The following EFNA5 variants were observed in gnomAD, a reference collection of about 807,000 sequenced individuals.
EFNA5 encodes ephrin-A5.
In EFNA5, 5 loss-of-function variants were observed where a neutral mutation model predicts 22.9. The observed-to-expected ratio is 0.22, with a 90% CI of 0.11 to 0.46. The LOEUF is 0.46. Ranked by LOEUF, EFNA5 falls within the 20% of genes least tolerant of loss-of-function variation. EFNA5 has a pLI of 0.99. For missense variants in EFNA5, 237 were observed against 293.3 expected, an observed-to-expected ratio of 0.81 and a Z score of 1.40; for synonymous variants, 113 against 112.2, an observed-to-expected ratio of 1.01 and a Z score of -0.04.
At chr5:107,556,249 T>A (rs1580528530) in intron 1 of EFNA5, among the ~76,000 whole-genome samples, 1 of 152,194 alleles carries the variant, frequency 6.6e-6, no homozygotes, top group East Asian at 1.9e-4. Flanking sequence ...CTACATTTAA[T>A]CCACACTTCC....
rs1580460601 is a variant in EFNA5, at chr5:107,452,417, A to G, written c.126-24908T>C. Among the ~76,000 whole-genome samples, 4 of 152,258 alleles carry G rather than the reference A, an allele frequency of 2.6e-5. No homozygotes were observed. The South Asian group carries it at 8.3e-4, about 32-fold the overall frequency. ...CTATTTTCACTTAATAGTCAGCACT[A>G]TGATGAAAGAAAAATCTCTTTATAG... On this transcript the variant is annotated intron_variant, in intron 1 of 4. Transcript: ENST00000333274.
intron 1 of EFNA5, among the ~76,000 whole-genome samples, chr5:107,569,410 T>C (rs1436175169): frequency 6.9e-6 from 1 of 145,690 alleles, no homozygotes; most frequent in Non-Finnish European, 1.5e-5. Flanking sequence ...TATATATATA[T>C]ATATTTATGT....
intron 1 of EFNA5, among the ~76,000 whole-genome samples, chr5:107,508,583 T>C (rs1747298639): frequency 6.6e-6 from 1 of 152,244 alleles, no homozygotes; most frequent in Non-Finnish European, 1.5e-5. Flanking sequence ...TCAAACTGGC[T>C]AGAATTGAAA....
At chr5:107,387,593 CA>C in intron 3 of EFNA5, 112 bp downstream of exon 3, 4 of 746,484 alleles carry the variant, frequency 5.4e-6, no homozygotes, top group African/African-American at 3.5e-5. Flanking sequence ...ATATACAAAA[CA>C]GATACCACAC....
At chr5:107,597,100 T>C in intron 1 of EFNA5, among the ~76,000 whole-genome samples, 1 of 152,130 alleles carries the variant, frequency 6.6e-6, no homozygotes, top group African/African-American at 2.4e-5. Flanking sequence ...ACCACGCACA[T>C]AAAAACTGTT....
At chr5:107,494,103 C>G (rs949680404) in intron 1 of EFNA5, among the ~76,000 whole-genome samples, 2 of 152,346 alleles carry the variant, frequency 1.3e-5, no homozygotes, top group Admixed American at 1.3e-4. Flanking sequence ...TCACAGCCTT[C>G]GCTCGCTCTG....
At chr5:107,516,507 T>C (rs999874389) in intron 1 of EFNA5, among the ~76,000 whole-genome samples, 1 of 152,240 alleles carries the variant, frequency 6.6e-6, no homozygotes, top group African/African-American at 2.4e-5. Flanking sequence ...CTGTTTTAAC[T>C]ATATTATGAG....
intron 1 of EFNA5, among the ~76,000 whole-genome samples, chr5:107,517,795 A>G (rs574889660): frequency 9.9e-4 from 151 of 152,362 alleles, no homozygotes; most frequent in African/African-American, 3.4e-3. Context: ...CATCACTTAG[A>G]AACACATTCT....
At chr5:107,413,777 G>A (rs1453295258) in intron 2 of EFNA5, among the ~76,000 whole-genome samples, 1 of 152,134 alleles carries the variant, frequency 6.6e-6, no homozygotes. Context: ...GTCAAATTAT[G>A]TCTAATTTAC....
At chr5:107,580,865 TTTG>T (rs1201277886) in intron 1 of EFNA5, among the ~76,000 whole-genome samples, 11 of 152,192 alleles carry the variant, frequency 7.2e-5, no homozygotes, top group Admixed American at 7.2e-4. Context: ...TTTTGGTCAA[TTTG>T]TTGTTCTCCA....
chr5:107,535,301 CAAAT>C (rs1311682630), intron 1 of EFNA5, among the ~76,000 whole-genome samples: 6 of 152,138 alleles, frequency 3.9e-5, no homozygotes, highest in African/African-American at 1.4e-4. Context: ...CCCCACCTAA[CAAAT>C]AATACAGTAT....
chr5:107,501,645 ATATCAT>A (rs1394443924), intron 1 of EFNA5, among the ~76,000 whole-genome samples: 2 of 152,238 alleles, frequency 1.3e-5, no homozygotes, highest in African/African-American at 4.8e-5. Flanking sequence ...TAAAACTGTA[ATATCAT>A]TTTAATACAG....
At chr5:107,656,628 T>TC (rs937209286) in intron 1 of EFNA5, among the ~76,000 whole-genome samples, 15 of 151,988 alleles carry the variant, frequency 9.9e-5, no homozygotes, top group Admixed American at 1.3e-4. Flanking sequence ...AATCTCTATT[T>TC]CCCCCCCAAT....
At chr5:107,632,171 T>C (rs1343735937) in intron 1 of EFNA5, among the ~76,000 whole-genome samples, 6 of 152,198 alleles carry the variant, frequency 3.9e-5, no homozygotes, top group South Asian at 2.1e-4. Context: ...CTTTCTCTCT[T>C]CTCAACAGCC....
At chr5:107,568,577 A>G (rs537532515) in intron 1 of EFNA5, among the ~76,000 whole-genome samples, 8 of 152,318 alleles carry the variant, frequency 5.3e-5, no homozygotes, top group African/African-American at 1.9e-4. Context: ...TTAGAGACAC[A>G]ATGACTCCTT....
At chr5:107,662,994 C>T (rs1444807950) in intron 1 of EFNA5, among the ~76,000 whole-genome samples, 1 of 151,738 alleles carries the variant, frequency 6.6e-6, no homozygotes, top group African/African-American at 2.4e-5. Context: ...TATAATATGC[C>T]TGGGTTTAAG....
At chr5:107,660,454 C>A (rs898391349) in intron 1 of EFNA5, among the ~76,000 whole-genome samples, 1 of 150,754 alleles carries the variant, frequency 6.6e-6, no homozygotes, top group African/African-American at 2.4e-5. Context: ...TACACCCATA[C>A]TGAAACCAAG....
Position 107,523,100 on chromosome 5 carries a change from G to A in EFNA5, c.126-95591C>T, listed in dbSNP as rs541356463. On this transcript the variant is annotated intron_variant, in intron 1 of 4. Transcript: ENST00000333274. ...ATTAGTACTGTTTTTTCGTTTGTTT[G>A]TTTATTTTAACCAACTATGGCCAAT... Among the ~76,000 whole-genome samples, 6 of 152,116 alleles carry A rather than the reference G, an allele frequency of 3.9e-5. No individual in the cohort carries two copies. In the East Asian group the frequency reaches 1.2e-3, roughly 29 times the overall value.
At chr5:107,610,078 A>C (rs1380970526) in intron 1 of EFNA5, among the ~76,000 whole-genome samples, 1 of 152,208 alleles carries the variant, frequency 6.6e-6, no homozygotes, top group Non-Finnish European at 1.5e-5. Flanking sequence ...CCCCAAGTTA[A>C]ATTCTCTTCT....
Sources: gnomAD v4.1 joint callset for allele counts (sites outside exome capture counted in the v4.1 genomes callset) on GRCh38, gnomAD v4.1.1 for gene constraint, MANE v1.5 for transcripts, NCBI Gene and HGNC (gene_info 2026-07-23, HGNC 2026-07-21) for gene names.